TRIM5: variants seen among roughly 807,000 people sequenced by gnomAD.
The protein encoded by TRIM5 is tripartite motif-containing protein 5.
In TRIM5, 31 loss-of-function variants were observed where a neutral mutation model predicts 35.6. The observed-to-expected ratio is 0.87, with a 90% CI of 0.65 to 1.18. TRIM5 has a LOEUF of 1.18. TRIM5 is among the 50% of genes most tolerant of loss of function. TRIM5 has a pLI of 0.00. For synonymous variants in TRIM5, 243 were observed against 215.6 expected (o/e 1.13, Z -1.11); for missense variants, 609 against 591.6 (o/e 1.03, Z -0.31).
the TRIM5 span, among the ~76,000 whole-genome samples, chr11:5,606,376 C>G: frequency 1.3e-5 from 2 of 152,108 alleles, no homozygotes; most frequent in African/African-American, 4.8e-5. Context: ...CTATTTTCTG[C>G]ATAGAATGAA....
intron 1 of TRIM5, among the ~76,000 whole-genome samples, chr11:5,682,758 G>A (rs968014565): frequency 1.3e-5 from 2 of 152,238 alleles, no homozygotes; most frequent in African/African-American, 2.4e-5. Context: ...GTGTGCCTGG[G>A]TTGTATTGAG....
At chr11:5,674,945 A>T (rs1851832866) in intron 4 of TRIM5, among the ~76,000 whole-genome samples, 1 of 152,226 alleles carries the variant, frequency 6.6e-6, no homozygotes, top group Non-Finnish European at 1.5e-5. Context: ...CAGAATGAAA[A>T]GATGACTATC....
chr11:5,679,034 A>G (rs1452209350), intron 3 of TRIM5, 40 bp downstream of exon 3: 1 of 1,562,532 alleles, frequency 6.4e-7, no homozygotes, highest in Admixed American at 1.7e-5. Flanking sequence ...GGTCCTGCCC[A>G]GATTTCTAGC....
chr11:5,605,594 T>C, the TRIM5 span: 2 of 1,589,394 alleles, frequency 1.3e-6, no homozygotes, highest in South Asian at 1.1e-5. Context: ...AGCCCAGATC[T>C]GAGAGTCAAG....
the TRIM5 span, among the ~76,000 whole-genome samples, chr11:5,657,502 T>C: frequency 7.2e-6 from 1 of 139,136 alleles, no homozygotes; most frequent in South Asian, 2.1e-4. Context: ...TATATATATT[T>C]ATATATTATA....
At chr11:5,603,388 C>A in the TRIM5 span, 4 of 1,613,630 alleles carry the variant, frequency 2.5e-6, no homozygotes, top group Non-Finnish European at 3.4e-6. Flanking sequence ...AACAGAACCC[C>A]TGAGCATAGA....
At chr11:5,603,633 C>T in the TRIM5 span, 3 of 1,613,582 alleles carry the variant, frequency 1.9e-6, no homozygotes, top group South Asian at 3.3e-5. Flanking sequence ...TGCAGCTCTT[C>T]TGTCAGGAGG....
At chr11:5,661,583 G>A (rs1442397943), downstream of TRIM5, among the ~76,000 whole-genome samples, 1 of 152,068 alleles carries the variant, frequency 6.6e-6, no homozygotes, top group African/African-American at 2.4e-5. Flanking sequence ...TAATGGCCCA[G>A]CATAGATCTG....
At chr11:5,602,787 C>G in the TRIM5 span, among the ~76,000 whole-genome samples, 4 of 151,406 alleles carry the variant, frequency 2.6e-5, no homozygotes, top group South Asian at 8.4e-4. Context: ...AACTCCATCT[C>G]TACTAAAAAT....
chr11:5,599,447 A>G, the TRIM5 span, among the ~76,000 whole-genome samples: 1 of 150,506 alleles, frequency 6.6e-6, no homozygotes, highest in Non-Finnish European at 1.5e-5. Context: ...TCTGTCGCCC[A>G]GGCTGGAGTG....
At chr11:5,648,053 C>T in the TRIM5 span, among the ~76,000 whole-genome samples, 24 of 152,186 alleles carry the variant, frequency 1.6e-4, no homozygotes, top group African/African-American at 5.5e-4. Context: ...TCTAAATTTC[C>T]TGTCCTGGGA....
At chr11:5,676,090 C>T (rs1367032942) in intron 4 of TRIM5, among the ~76,000 whole-genome samples, 1 of 144,480 alleles carries the variant, frequency 6.9e-6, no homozygotes, top group East Asian at 2.0e-4. Context: ...TTTTCTTAAT[C>T]CAGTCTATCA....
the TRIM5 span, chr11:5,625,060 G>A: frequency 3.3e-5 from 5 of 152,436 alleles, no homozygotes; most frequent in Admixed American, 2.0e-4. Flanking sequence ...TTGCTCTGAA[G>A]GTGTGTGGGG....
At chr11:5,596,745 C>A in the TRIM5 span, 7 of 1,199,036 alleles carry the variant, frequency 5.8e-6, no homozygotes, top group African/African-American at 4.6e-5. Context: ...CGGAACGGAA[C>A]GGAGCAGAGT....
chr11:5,678,463 A>T, intron 3 of TRIM5, 29 bp from the exon 4 acceptor site: 1 of 1,476,392 alleles, frequency 6.8e-7, no homozygotes, highest in Non-Finnish European at 9.1e-7. Flanking sequence ...AGAAAGGGGC[A>T]CTCAGTCTAC....
intron 3 of TRIM5, 24 bp from the exon 4 acceptor site, chr11:5,678,458 G>T: frequency 6.7e-7 from 1 of 1,483,572 alleles, no homozygotes; most frequent in Non-Finnish European, 9.0e-7. Context: ...AGAAGAGAAA[G>T]GGGCACTCAG....
At chr11:5,659,172 A>G (rs975964418), downstream of TRIM5, among the ~76,000 whole-genome samples, 3 of 152,138 alleles carry the variant, frequency 2.0e-5, no homozygotes, top group Non-Finnish European at 4.4e-5. Flanking sequence ...ACAGTGTAAC[A>G]CATGTCCGCG....
the TRIM5 span, chr11:5,643,027 A>AAT: frequency 7.7e-7 from 1 of 1,292,444 alleles, no homozygotes. Context: ...TCACTTCCCA[A>AAT]GTTCGTTCAT....
At chr11:5,676,054 G>C (rs1485611600) in intron 4 of TRIM5, among the ~76,000 whole-genome samples, 1 of 137,882 alleles carries the variant, frequency 7.3e-6, no homozygotes, top group Admixed American at 7.5e-5. Flanking sequence ...TGGCTGCATA[G>C]TATTCCATGG....
Sources: allele counts gnomAD v4.1 joint callset (sites outside exome capture counted in the v4.1 genomes callset), GRCh38; gene constraint gnomAD v4.1.1; transcripts MANE v1.5; gene names NCBI Gene and HGNC (gene_info 2026-07-23, HGNC 2026-07-21).